COPS7B: variants seen among roughly 807,000 people sequenced by gnomAD.
The protein encoded by COPS7B is COP9 signalosome complex subunit 7b.
A neutral mutation model predicts 33.4 loss-of-function variants in COPS7B; 9 were observed. That is an observed-to-expected ratio of 0.27 (90% confidence interval 0.16 to 0.47). COPS7B has a LOEUF of 0.47. Among genes scored for constraint, COPS7B ranks in the 20% least tolerant of loss-of-function variants. The pLI is 0.99. For synonymous variants in COPS7B, 119 were observed against 126.3 expected (o/e 0.94, Z 0.39); for missense variants, 242 against 318.2 (o/e 0.76, Z 1.82).
chr2:231,787,597 G>C (rs1009351073), intron 1 of COPS7B, among the ~76,000 whole-genome samples: 5 of 151,284 alleles, frequency 3.3e-5, no homozygotes, highest in African/African-American at 1.2e-4. Context: ...ACATTCTGAA[G>C]TCACGTTTGG....
At chr2:231,797,740 G>T (rs1299083860) in intron 5 of COPS7B, among the ~76,000 whole-genome samples, 1 of 152,160 alleles carries the variant, frequency 6.6e-6, no homozygotes, top group Non-Finnish European at 1.5e-5. Flanking sequence ...TGGAGGGTAT[G>T]GGGATATTCA....
chr2:231,807,803 T>G lies in COPS7B; in HGVS notation c.*158T>G. The G allele has an allele frequency of 3.2e-6, 2 of 626,290 alleles. No homozygotes were observed. The highest frequency in any genetic ancestry group is 5.3e-6 in the Non-Finnish European group (2 of 374,626). The allele number at this position is 626,290 out of a possible 1,614,324, so 38.8% of individuals were successfully genotyped here. On this transcript the variant is annotated 3_prime_UTR_variant, in exon 7 of 7. Coordinates refer to ENST00000350033, the MANE Select transcript of COPS7B (RefSeq NM_022730.4). The stretch of plus-strand genomic sequence containing the variant: ...TGTTGGTACTGTTCCAGAAAAACTG[T>G]TACTCCCCCTCACCCACTCCCTCCT...
rs2049940096 is a variant in COPS7B at position 231,807,819 on chromosome 2, A to C, written c.*174A>C. 3 of 547,680 alleles carry C rather than the reference A, an allele frequency of 5.5e-6. No homozygotes were observed. The highest frequency in any genetic ancestry group is 6.3e-6 in the Non-Finnish European group (2 of 317,824). The allele number at this position is 547,680 out of a possible 1,614,324, so 33.9% of individuals were successfully genotyped here. On this transcript the variant is annotated 3_prime_UTR_variant, in exon 7 of 7. Coordinates refer to ENST00000350033, the MANE Select transcript of COPS7B (RefSeq NM_022730.4). ...GAAAAACTGTTACTCCCCCTCACCCACTCCCTCCTTCCCCAGTTGTTCCCT... is the reference window on the plus strand; with the variant it reads ...GAAAAACTGTTACTCCCCCTCACCCCCTCCCTCCTTCCCCAGTTGTTCCCT...
At chr2:231,790,773 C>G (rs1272441343) in intron 2 of COPS7B, 3 of 149,666 alleles carry the variant, frequency 2.0e-5, no homozygotes, top group Middle Eastern at 3.4e-3. Flanking sequence ...GCTCTGTCGC[C>G]CAGGCCGGAC....
upstream of COPS7B, among the ~76,000 whole-genome samples, chr2:231,784,141 T>G (rs1574646083): frequency 3.4e-5 from 5 of 148,544 alleles, no homozygotes; most frequent in African/African-American, 7.4e-5. Context: ...GGGGGTGGGG[T>G]GCGACAAAGC....
At chr2:231,794,012 T>A (rs1166063602) in intron 3 of COPS7B, 1 of 476,632 alleles carries the variant, frequency 2.1e-6, no homozygotes, top group Non-Finnish European at 3.8e-6. Flanking sequence ...TCCATTAAGA[T>A]AATTGCCACA....
In COPS7B at chr2:231,795,994, T is replaced by C. The variant is rs184987484; in HGVS notation, c.328-112T>C. The C allele has an allele frequency of 1.9e-4, 150 of 771,822 alleles. 1 individual carries two copies. In the African/African-American group the frequency reaches 2.3e-3, roughly 12 times the overall value. The allele number at this position is 771,822 out of a possible 1,614,324, so 47.8% of individuals were successfully genotyped here. A position where few individuals can be genotyped will look rare whatever the true frequency, so the allele number is the denominator to read the frequency against. On this transcript the variant is annotated intron_variant, in intron 4 of 6. Transcript: ENST00000350033. ...TGCCCTAGCTATTAATAATTACCAC[T>C]AGCCTGCGTTTCCCGAGCCTAGAGG...
At chr2:231,785,733 T>A (rs2049224309), upstream of COPS7B, among the ~76,000 whole-genome samples, 1 of 152,202 alleles carries the variant, frequency 6.6e-6, no homozygotes, top group Non-Finnish European at 1.5e-5. Flanking sequence ...AAGACTGTGG[T>A]GTATACAGGA....
chr2:231,781,712 C>G (rs185742132), upstream of COPS7B: 2 of 834,350 alleles, frequency 2.4e-6, no homozygotes, highest in South Asian at 1.5e-5. Context: ...AACTTAGACT[C>G]CAGTGTGCCG....
In COPS7B at chr2:231,791,629, A is replaced by G; in HGVS notation, c.163-104A>G. On this transcript the variant is annotated intron_variant, in intron 2 of 6. Transcript: ENST00000350033. ...CCAAGTAATCAAATAGTACAGAATA[A>G]ACAGCCATGGCATCTTTGACACATG... is the stretch of plus-strand genomic sequence containing the variant. 23 of 934,614 alleles carry G rather than the reference A, an allele frequency of 2.5e-5. No homozygotes were observed. The South Asian group carries it at 3.3e-4, about 13-fold the overall frequency. The allele number at this position is 934,614 out of a possible 1,614,324, so 57.9% of individuals were successfully genotyped here. A position where few individuals can be genotyped will look rare whatever the true frequency, so the allele number is the denominator to read the frequency against.
intron 6 of COPS7B, chr2:231,801,106 T>G (rs1290094398): frequency 2.6e-6 from 4 of 1,547,596 alleles, no homozygotes; most frequent in Admixed American, 2.0e-5. Flanking sequence ...TGTCAACTGA[T>G]TGGTGATCTT....
At chr2:231,795,589 G>A (rs57175297) in intron 4 of COPS7B, among the ~76,000 whole-genome samples, 247 of 152,308 alleles carry the variant, frequency 1.6e-3, no homozygotes, top group African/African-American at 5.7e-3. Context: ...TTGTGTCTGA[G>A]AAAACAGATA....
Position 231,794,293 on chromosome 2 carries a change from C to A in COPS7B, c.269C>A (p.Thr90Lys). ...AAGGAGAGCCTGCCAGAACTGAGCA[C>A]AGCTCAGCAGAACAAGCTGAAGCAT... Reference protein sequence around the residue: ...ANKESLPELSTAQQNKLKHLT... With the variant: ...ANKESLPELSKAQQNKLKHLT... The change falls in exon 4 of 7, where the codon ACA becomes AAA. Residue 90 changes from threonine (T) to lysine (K), a missense_variant. Physicochemically the swap from Thr to Lys is moderately conservative, Grantham distance 78. Transcript: ENST00000350033. 6.2e-7 allele frequency: 1 copy of A among 1,614,060 alleles called. No individual in the cohort carries two copies. Among genetic ancestry groups the A allele is most frequent in the Non-Finnish European group, 8.5e-7 (1 of 1,179,984 alleles).
At chr2:231,787,528 A>G (rs2049285670) in intron 1 of COPS7B, among the ~76,000 whole-genome samples, 1 of 151,770 alleles carries the variant, frequency 6.6e-6, no homozygotes, top group South Asian at 2.1e-4. Flanking sequence ...CGCTGATACA[A>G]TATTTTCACT....
intron 1 of COPS7B, among the ~76,000 whole-genome samples, chr2:231,787,600 A>T (rs2049288816): frequency 6.6e-6 from 1 of 151,198 alleles, no homozygotes; most frequent in Non-Finnish European, 1.5e-5. Context: ...TTCTGAAGTC[A>T]CGTTTGGTTA....
rs188733102 is a variant in COPS7B, at chr2:231,804,619, A to C, written c.637-2868A>C. On this transcript the variant is annotated intron_variant, in intron 6 of 6. Coordinates refer to ENST00000350033, the MANE Select transcript of COPS7B (RefSeq NM_022730.4). Reference sequence around the variant, plus strand: ...TAAGGCTAAATAGTGCTTATCAGACAAGATGAAATTAGGAATTTTTTTTGG... The same window carrying C: ...TAAGGCTAAATAGTGCTTATCAGACCAGATGAAATTAGGAATTTTTTTTGG... 1.2e-3 allele frequency among the ~76,000 whole-genome samples: 182 copies of C among 152,338 alleles called. 1 individual carries two copies. Among genetic ancestry groups the C allele is most frequent in the Non-Finnish European group, 1.9e-4 (13 of 68,036 alleles).
intron 6 of COPS7B, among the ~76,000 whole-genome samples, chr2:231,806,705 A>G (rs967152115): frequency 4.6e-5 from 7 of 152,256 alleles, no homozygotes; most frequent in African/African-American, 1.7e-4. Flanking sequence ...GCAATATAGC[A>G]GTACTGATTC....
intron 6 of COPS7B, among the ~76,000 whole-genome samples, chr2:231,805,466 A>T (rs1270059753): frequency 6.8e-5 from 10 of 146,030 alleles, no homozygotes; most frequent in African/African-American, 2.2e-4. Context: ...ATATATATAT[A>T]TATTTATATA....
chr2:231,798,985 T>G lies in COPS7B; in HGVS notation c.636+21T>G, dbSNP rs145256108. ...CAGAGGTAAGGAAGGAAAGGAACATTTGTTTCTCTCTCCAGGCATACCTGT... is the reference window on the plus strand; with the variant it reads ...CAGAGGTAAGGAAGGAAAGGAACATGTGTTTCTCTCTCCAGGCATACCTGT... On this transcript the variant is annotated intron_variant, in intron 6 of 6. Transcript: ENST00000350033. 4.1e-4 allele frequency: 657 copies of G among 1,595,452 alleles called. 5 individuals are homozygous for G. In the African/African-American group the frequency reaches 7.4e-3, roughly 18 times the overall value.
Sources: gnomAD v4.1 joint callset for allele counts (sites outside exome capture counted in the v4.1 genomes callset) on GRCh38, gnomAD v4.1.1 for gene constraint, MANE v1.5 for transcripts, NCBI Gene and HGNC (gene_info 2026-07-23, HGNC 2026-07-21) for gene names.